The following SNAP91 variants were observed in gnomAD, a reference collection of about 807,000 sequenced individuals.
SNAP91 encodes synaptosome associated protein 91.
In SNAP91, 27 loss-of-function variants were observed where a neutral mutation model predicts 100.3. The observed-to-expected ratio is 0.27, with a 90% CI of 0.20 to 0.37. The LOEUF (loss-of-function observed/expected upper bound fraction) is 0.37. Among genes scored for constraint, SNAP91 ranks in the 10% least tolerant of loss-of-function variants. The pLI is 1.00. For synonymous variants in SNAP91, 404 were observed against 398.6 expected (o/e 1.01, Z -0.16); for missense variants, 986 against 1,123.7 (o/e 0.88, Z 1.75).
At chr6:83,663,533 C>T (rs1234961885) in intron 3 of SNAP91, among the ~76,000 whole-genome samples, 1 of 152,146 alleles carries the variant, frequency 6.6e-6, no homozygotes, top group African/African-American at 2.4e-5. Context: ...AACATTCCCT[C>T]AAGCCAAAGC....
intron 28 of SNAP91, among the ~76,000 whole-genome samples, chr6:83,558,655 C>G (rs1782491280): frequency 1.3e-5 from 2 of 152,236 alleles, no homozygotes; most frequent in Non-Finnish European, 2.9e-5. Flanking sequence ...AGAAAGTTCA[C>G]AGCAGCAGGT....
intron 13 of SNAP91, 89 bp downstream of exon 13, chr6:83,607,610 G>T: frequency 1.3e-6 from 1 of 754,742 alleles, no homozygotes; most frequent in Non-Finnish European, 2.1e-6. Flanking sequence ...GATTTCCTTT[G>T]GTGAAATCAT....
chr6:83,610,628 C>T (rs2095956550), intron 12 of SNAP91, 22 bp downstream of exon 12: 1 of 589,662 alleles, frequency 1.7e-6, no homozygotes, highest in African/African-American at 1.9e-5. Context: ...ACAAAAACCC[C>T]CAAACAAAAA....
In SNAP91 at chr6:83,706,739, G is replaced by A. The variant is rs538752509; in HGVS notation, c.130+1059C>T. On this transcript the variant is annotated intron_variant, in intron 2 of 29. Transcript: ENST00000369694. ...AAGATGGGCAAAGGAAGCCAGCTGA[G>A]GAAATGGCTGTGGCCATACCTGTGT... 5.9e-5 allele frequency among the ~76,000 whole-genome samples: 9 copies of A among 152,342 alleles called. No individual in the cohort carries two copies. In the East Asian group the frequency reaches 1.7e-3, roughly 29 times the overall value.
intron 16 of SNAP91, among the ~76,000 whole-genome samples, chr6:83,597,021 G>T (rs2094547859): frequency 6.6e-6 from 1 of 152,166 alleles, no homozygotes; most frequent in African/African-American, 2.4e-5. Context: ...AGCCCATATT[G>T]TTATAGCTAC....
At chr6:83,598,642 CAA>C (rs1045808935) in intron 16 of SNAP91, among the ~76,000 whole-genome samples, 5 of 152,080 alleles carry the variant, frequency 3.3e-5, no homozygotes, top group Non-Finnish European at 5.9e-5. Context: ...CTGTGTTAAA[CAA>C]AACATAACTG....
chr6:83,571,774 G>A (rs569858422), intron 26 of SNAP91, among the ~76,000 whole-genome samples: 4 of 152,236 alleles, frequency 2.6e-5, no homozygotes, highest in Non-Finnish European at 5.9e-5. Flanking sequence ...GATTTGGGAG[G>A]GGCCGGGAGC....
At chr6:83,697,887 T>C (rs1244761705) in intron 2 of SNAP91, among the ~76,000 whole-genome samples, 1 of 151,966 alleles carries the variant, frequency 6.6e-6, no homozygotes, top group African/African-American at 2.4e-5. Flanking sequence ...ATGTTTGGCG[T>C]GAGGAATAAG....
At chr6:83,682,976 T>G (rs1045828698) in intron 2 of SNAP91, among the ~76,000 whole-genome samples, 2 of 152,136 alleles carry the variant, frequency 1.3e-5, no homozygotes, top group Admixed American at 1.3e-4. Context: ...CTCTACCATA[T>G]GACCATCATC....
At chr6:83,618,815 T>C (rs2096600220) in intron 9 of SNAP91, among the ~76,000 whole-genome samples, 1 of 151,960 alleles carries the variant, frequency 6.6e-6, no homozygotes, top group African/African-American at 2.4e-5. Context: ...TCTTTCCAGT[T>C]AGAAAACTTA....
chr6:83,601,250 G>T (rs755991611), intron 16 of SNAP91, 21 bp downstream of exon 16: 29 of 1,611,238 alleles, frequency 1.8e-5, no homozygotes, highest in Non-Finnish European at 2.4e-5. Context: ...AAAAATGAAA[G>T]TAGCAGCGAG....
intron 24 of SNAP91, 47 bp downstream of exon 24, chr6:83,580,403 C>A (rs979488500): frequency 1.3e-6 from 2 of 1,531,896 alleles, no homozygotes; most frequent in Non-Finnish European, 8.8e-7. Flanking sequence ...AAAAACAATT[C>A]ACATATGCTT....
chr6:83,586,131 T>C (rs2092565687), intron 22 of SNAP91, among the ~76,000 whole-genome samples: 1 of 152,202 alleles, frequency 6.6e-6, no homozygotes, highest in African/African-American at 2.4e-5. Flanking sequence ...TATATAGGCA[T>C]GAGCCACCGT....
intron 26 of SNAP91, among the ~76,000 whole-genome samples, chr6:83,574,506 C>T (rs1180088014): frequency 6.6e-6 from 1 of 151,890 alleles, no homozygotes; most frequent in East Asian, 1.9e-4. Flanking sequence ...AATGAACTTA[C>T]ACAATAAAAA....
At chr6:83,562,667 G>A (rs927878574) in intron 26 of SNAP91, among the ~76,000 whole-genome samples, 16 of 152,116 alleles carry the variant, frequency 1.1e-4, no homozygotes, top group Non-Finnish European at 2.2e-4. Flanking sequence ...ACTCTGCAGA[G>A]CTAACTGTGC....
At chr6:83,638,117 A>C (rs1274030662) in intron 8 of SNAP91, among the ~76,000 whole-genome samples, 1 of 152,198 alleles carries the variant, frequency 6.6e-6, no homozygotes, top group Non-Finnish European at 1.5e-5. Context: ...ACTGCAGAGC[A>C]AGATGGAGCG....
intron 7 of SNAP91, among the ~76,000 whole-genome samples, chr6:83,646,070 GTTGTT>G (rs934204217): frequency 2.6e-5 from 4 of 152,092 alleles, no homozygotes; most frequent in Admixed American, 1.3e-4. Flanking sequence ...TTTTAATTGG[GTTGTT>G]TTATTATTTT....
At position 83,592,933 on chromosome 6, in the gene SNAP91, G is replaced by C; in HGVS notation, c.1846+13C>G. The stretch of plus-strand genomic sequence containing the variant: ...AGACATCTCTGAAGTCCTGACCTTG[G>C]CAAAGCACTCACCAGATAAGAGGTC... On this transcript the variant is annotated intron_variant, in intron 20 of 29. Coordinates refer to ENST00000369694, the MANE Select transcript of SNAP91 (RefSeq NM_001242792.2). 1 of 1,568,026 alleles carries C rather than the reference G, an allele frequency of 6.4e-7. No individual in the cohort carries two copies. The highest frequency in any genetic ancestry group is 8.7e-7 in the Non-Finnish European group (1 of 1,154,644).
At chr6:83,643,502 A>T in intron 7 of SNAP91, among the ~76,000 whole-genome samples, 1 of 152,034 alleles carries the variant, frequency 6.6e-6, no homozygotes, top group East Asian at 1.9e-4. Context: ...ATAGTTGTAG[A>T]TGTGTGGTAT....
Sources: allele counts gnomAD v4.1 joint callset (sites outside exome capture counted in the v4.1 genomes callset), GRCh38; gene constraint gnomAD v4.1.1; transcripts MANE v1.5; gene names NCBI Gene and HGNC (gene_info 2026-07-23, HGNC 2026-07-21).